The following FOXQ1 variants were observed in gnomAD, a reference collection of about 807,000 sequenced individuals.
The protein encoded by FOXQ1 is forkhead box protein Q1.
FOXQ1 carries 1 observed loss-of-function variant against 0.6 expected under a neutral mutation model. That is an observed-to-expected ratio of 1.73 (90% CI 0.61 to 8.20). The LOEUF (loss-of-function observed/expected upper bound fraction) is 8.20, where lower values mean the gene tolerates loss of function less well. Ranked by LOEUF, FOXQ1 falls within the 30% of genes most tolerant of loss-of-function variation. The pLI, the probability that FOXQ1 is intolerant of heterozygous loss-of-function variation, is 0.13. For synonymous variants in FOXQ1, 377 were observed against 294.4 expected (o/e 1.28, Z -2.87); for missense variants, 734 against 595.6 (o/e 1.23, Z -2.42).
At position 1,313,019 on chromosome 6, in the gene FOXQ1, C is replaced by T. The variant is rs370291379; in HGVS notation, c.315C>T (p.Ser105=). 3 of 1,437,056 alleles carry T rather than the reference C, an allele frequency of 2.1e-6. No homozygotes were observed. The highest frequency in any genetic ancestry group is 1.6e-5 in the South Asian group (1 of 63,242). The allele number at this position is 1,437,056 out of a possible 1,614,324, so 89.0% of individuals were successfully genotyped here. A position where few individuals can be genotyped will look rare whatever the true frequency, so the allele number is the denominator to read the frequency against. ...AAGPGAGGAG[S]GEGARSKPYT... ...GGCCAGGCGCGGGCGGCGCGGGGAG[C>T]GGCGAGGGTGCACGCAGCAAGCCAT... The change falls in exon 1 of 1, where the codon AGC becomes AGT. Residue 105 remains serine, a synonymous_variant. Coordinates refer to ENST00000296839, the MANE Select transcript of FOXQ1 (RefSeq NM_033260.4). The surrounding 1 kb of genome is among the most constrained non-coding windows in gnomAD (Gnocchi z 5.2).
At position 1,313,540 on chromosome 6, in the gene FOXQ1, A is replaced by C. The variant is rs1381520633; in HGVS notation, c.836A>C (p.Lys279Thr). 3.2e-6 allele frequency: 4 copies of C among 1,268,308 alleles called. No homozygotes were observed. The African/African-American group carries it at 6.4e-5, about 20-fold the overall frequency. 78.6% of individuals were successfully genotyped at this position (1,268,308 alleles called of 1,614,324 possible). Residue 279 changes from lysine to threonine, a missense_variant, in exon 1 of 1, where the codon AAG becomes ACG. Physicochemically the swap from Lys to Thr is moderately conservative, Grantham distance 78. Transcript: ENST00000296839. The surrounding 1 kb of genome is among the most constrained non-coding windows in gnomAD (Gnocchi z 5.2). The part of the protein sequence containing the change: ...SSFAIDSILR[K>T]PFRSRRLRDT... ...TTCGCCATCGACAGCATCCTGCGCA[A>C]GCCCTTCCGCAGCCGCCGCCTCAGG... is the stretch of plus-strand genomic sequence containing the variant.
Position 1,312,961 on chromosome 6 carries a change from T to C in FOXQ1, c.257T>C (p.Val86Ala). 3.1e-6 allele frequency: 4 copies of C among 1,278,292 alleles called. No individual in the cohort carries two copies. Among genetic ancestry groups the C allele is most frequent in the African/African-American group, 1.6e-5 (1 of 63,088 alleles). 79.2% of individuals were successfully genotyped at this position (1,278,292 alleles called of 1,614,324 possible). ...ATCCCGGCAGCAGCTGCTGCAGCGG[T>C]GGTGGCGGAGGGCGCGGAGGCCGGG... is the stretch of plus-strand genomic sequence containing the variant. ...EAIPAAAAAA[V>A]VAEGAEAGAA... is the part of the protein sequence containing the mutation. The change falls in exon 1 of 1, where the codon GTG (valine) becomes GCG (alanine). Residue 86 changes from valine to alanine, a missense_variant. Transcript: ENST00000296839.
At position 1,313,331 on chromosome 6, in the gene FOXQ1, C is replaced by T. The variant is rs767931927; in HGVS notation, c.627C>T (p.Phe209=). 1.9e-6 allele frequency: 3 copies of T among 1,565,056 alleles called. No individual in the cohort carries two copies. The highest frequency in any genetic ancestry group is 1.8e-5 in the Admixed American group (1 of 55,072). ...NSEYTFADGV[F]RRRRKRLSHR... is the part of the protein sequence containing the mutation. ...AGTACACCTTCGCCGACGGGGTCTTCCGCCGCCGCCGCAAGCGCCTCAGCC... is the reference window on the plus strand; with the variant it reads ...AGTACACCTTCGCCGACGGGGTCTTTCGCCGCCGCCGCAAGCGCCTCAGCC... The change falls in exon 1 of 1, where the codon TTC becomes TTT. Residue 209 remains phenylalanine (F), a synonymous_variant. Coordinates refer to ENST00000296839, the MANE Select transcript of FOXQ1 (RefSeq NM_033260.4). This position sits in a 1 kb window ranked among gnomAD's most constrained non-coding sequence, Gnocchi z 5.2.
At position 1,313,579 on chromosome 6, in the gene FOXQ1, G is replaced by T. The variant is rs1170004272; in HGVS notation, c.875G>T (p.Gly292Val). The change falls in exon 1 of 1, where the codon GGG becomes GTG. Residue 292 changes from glycine (G) to valine (V), a missense_variant. Gly to Val is a moderately radical substitution (Grantham distance 109). Transcript: ENST00000296839. This position sits in a 1 kb window ranked among gnomAD's most constrained non-coding sequence, Gnocchi z 5.2. ...RSRRLRDTAP[G>V]TTLQWGAAPC... The stretch of plus-strand genomic sequence containing the variant: ...CGCCGCCTCAGGGACACGGCCCCCG[G>T]GACGACGCTTCAGTGGGGCGCCGCG... 8.3e-7 allele frequency: 1 copy of T among 1,205,442 alleles called. No homozygotes were observed. Among genetic ancestry groups the T allele is most frequent in the Admixed American group, 3.6e-5 (1 of 28,144 alleles). 74.7% of individuals were successfully genotyped at this position (1,205,442 alleles called of 1,614,324 possible). A position where few individuals can be genotyped will look rare whatever the true frequency, so the allele number is the denominator to read the frequency against.
chr6:1,314,237 T>C lies in FOXQ1; in HGVS notation c.*321T>C, dbSNP rs1461390698. On this transcript the variant is annotated 3_prime_UTR_variant, in exon 1 of 1. Coordinates refer to ENST00000296839, the MANE Select transcript of FOXQ1 (RefSeq NM_033260.4). Reference sequence around the variant, plus strand: ...CTTCGTCTTATTTCTACTGTTTTTGTCGCAACTTCCATTGATTTATGTCCC... The same window carrying C: ...CTTCGTCTTATTTCTACTGTTTTTGCCGCAACTTCCATTGATTTATGTCCC... The C allele has an allele frequency of 5.2e-6, 1 of 193,244 alleles. No individual in the cohort carries two copies. Among genetic ancestry groups the C allele is most frequent in the Non-Finnish European group, 1.2e-5 (1 of 86,234 alleles). The allele number at this position is 193,244 out of a possible 1,614,324, so 12.0% of individuals were successfully genotyped here.
chr6:1,313,499 C>A lies in FOXQ1; in HGVS notation c.795C>A (p.Gly265=). The A allele has an allele frequency of 8.3e-7, 1 of 1,209,736 alleles. No individual in the cohort carries two copies. Among genetic ancestry groups the A allele is most frequent in the Admixed American group, 2.7e-5 (1 of 36,708 alleles). The allele number at this position is 1,209,736 out of a possible 1,614,324, so 74.9% of individuals were successfully genotyped here. A position where few individuals can be genotyped will look rare whatever the true frequency, so the allele number is the denominator to read the frequency against. ...AGGAGGAGCGCGCCAGCCCCGCGGGCAAGTTCTCCAGCTCCTTCGCCATCG... is the reference window on the plus strand; with the variant it reads ...AGGAGGAGCGCGCCAGCCCCGCGGGAAAGTTCTCCAGCTCCTTCGCCATCG... The part of the protein sequence containing the change: ...ARQEERASPA[G]KFSSSFAIDS... The change falls in exon 1 of 1, where the codon GGC becomes GGA. Residue 265 remains glycine, a synonymous_variant. Transcript: ENST00000296839. The surrounding 1 kb of genome is among the most constrained non-coding windows in gnomAD (Gnocchi z 5.2).
chr6:1,313,855 C>T lies in FOXQ1; in HGVS notation c.1151C>T (p.Ala384Val). 7.6e-7 allele frequency: 1 copy of T among 1,308,520 alleles called. No homozygotes were observed. The highest frequency in any genetic ancestry group is 9.7e-7 in the Non-Finnish European group (1 of 1,034,348). The allele number at this position is 1,308,520 out of a possible 1,614,324, so 81.1% of individuals were successfully genotyped here. ...CTGCGGCTGCCCGCAGCCCTGCAGG[C>T]GGCCTCAGTCCGCCGCCCTGGCCCG... ...CPLRLPAALQ[A>V]ASVRRPGPHL... Residue 384 changes from alanine to valine, a missense_variant, in exon 1 of 1, where the codon GCG becomes GTG. Ala to Val is a moderately conservative substitution (Grantham distance 64). Coordinates refer to ENST00000296839, the MANE Select transcript of FOXQ1 (RefSeq NM_033260.4). The surrounding 1 kb of genome is among the most constrained non-coding windows in gnomAD (Gnocchi z 5.2).
chr6:1,312,727 C>T lies in FOXQ1; in HGVS notation c.23C>T (p.Pro8Leu), dbSNP rs1318725152. 4 of 1,356,368 alleles carry T rather than the reference C, an allele frequency of 2.9e-6. No individual in the cohort carries two copies. The highest frequency in any genetic ancestry group is 3.6e-5 in the Admixed American group (1 of 28,042). 84.0% of individuals were successfully genotyped at this position (1,356,368 alleles called of 1,614,324 possible). Residue 8 changes from proline (P) to leucine (L), a missense_variant, in exon 1 of 1, where the codon CCT becomes CTT. Physicochemically the swap from Pro to Leu is moderately conservative, Grantham distance 98 (BLOSUM62 -3). Transcript: ENST00000296839. ...GGCATGAAGTTGGAGGTGTTCGTCC[C>T]TCGCGCGGCCCACGGGGACAAGCAG... Reference protein sequence around the residue: MKLEVFVPRAAHGDKQGS... With the variant: MKLEVFVLRAAHGDKQGS...
rs866270229 is a variant in FOXQ1, at chr6:1,312,134, C to A, written c.-571C>A. Among the ~76,000 whole-genome samples, 2 of 152,200 alleles carry A rather than the reference C, an allele frequency of 1.3e-5. No individual in the cohort carries two copies. Among genetic ancestry groups the A allele is most frequent in the African/African-American group, 4.8e-5 (2 of 41,474 alleles). Reference sequence around the variant, plus strand: ...GCGGCAGGCCAGCGGGGAGATGCTGCCCCGGAGGCTGGGAGCGGGAAGGCG... The same window carrying A: ...GCGGCAGGCCAGCGGGGAGATGCTGACCCGGAGGCTGGGAGCGGGAAGGCG... On this transcript the variant is annotated 5_prime_UTR_variant, in exon 1 of 1. Coordinates refer to ENST00000296839, the MANE Select transcript of FOXQ1 (RefSeq NM_033260.4).
chr6:1,313,468 C>T lies in FOXQ1; in HGVS notation c.764C>T (p.Ala255Val). The T allele has an allele frequency of 1.8e-6, 2 of 1,093,950 alleles. No individual in the cohort carries two copies. Among genetic ancestry groups the T allele is most frequent in the Non-Finnish European group, 2.2e-6 (2 of 896,056 alleles). The allele number at this position is 1,093,950 out of a possible 1,614,324, so 67.8% of individuals were successfully genotyped here. The change falls in exon 1 of 1, where the codon GCC becomes GTC. Residue 255 changes from alanine (A) to valine (V), a missense_variant. Physicochemically the swap from Ala to Val is moderately conservative, Grantham distance 64 (BLOSUM62 0). Transcript: ENST00000296839. The surrounding 1 kb of genome is among the most constrained non-coding windows in gnomAD (Gnocchi z 5.2). ...GCCTCGCCCCGCATGCGCTCGCCCG[C>T]CCGCCAGGAGGAGCGCGCCAGCCCC... ...APASPRMRSP[A>V]RQEERASPAG...
In FOXQ1 at chr6:1,313,554, C is replaced by A; in HGVS notation, c.850C>A (p.Arg284Ser). 7.9e-7 allele frequency: 1 copy of A among 1,264,244 alleles called. No individual in the cohort carries two copies. Among genetic ancestry groups the A allele is most frequent in the Non-Finnish European group, 1.0e-6 (1 of 985,864 alleles). 78.3% of individuals were successfully genotyped at this position (1,264,244 alleles called of 1,614,324 possible). The part of the protein sequence containing the change: ...DSILRKPFRS[R>S]RLRDTAPGTT... ...CATCCTGCGCAAGCCCTTCCGCAGC[C>A]GCCGCCTCAGGGACACGGCCCCCGG... The change falls in exon 1 of 1, where the codon CGC becomes AGC. Residue 284 changes from arginine to serine, a missense_variant. By Grantham distance (110) the Arg-to-Ser change is moderately radical (BLOSUM62 -1). Coordinates refer to ENST00000296839, the MANE Select transcript of FOXQ1 (RefSeq NM_033260.4). The surrounding 1 kb of genome is among the most constrained non-coding windows in gnomAD (Gnocchi z 5.2).
rs984820424 is a variant in FOXQ1 at position 1,312,486 on chromosome 6, G to T, written c.-219G>T. On this transcript the variant is annotated 5_prime_UTR_variant, in exon 1 of 1. Coordinates refer to ENST00000296839, the MANE Select transcript of FOXQ1 (RefSeq NM_033260.4). ...ACACCCACCCAACTCCTCCCTCTCC[G>T]CCCCATAGTCCACCCAACACTTGCA... 4.7e-6 allele frequency: 3 copies of T among 645,152 alleles called. No individual in the cohort carries two copies. Among genetic ancestry groups the T allele is most frequent in the African/African-American group, 3.8e-5 (2 of 52,982 alleles). The allele number at this position is 645,152 out of a possible 1,614,324, so 40.0% of individuals were successfully genotyped here. A position where few individuals can be genotyped will look rare whatever the true frequency, so the allele number is the denominator to read the frequency against.
chr6:1,313,729 C>T lies in FOXQ1; in HGVS notation c.1025C>T (p.Pro342Leu), dbSNP rs1486115503. 1 of 1,151,006 alleles carries T rather than the reference C, an allele frequency of 8.7e-7. No homozygotes were observed. The highest frequency in any genetic ancestry group is 1.1e-6 in the Non-Finnish European group (1 of 938,368). The allele number at this position is 1,151,006 out of a possible 1,614,324, so 71.3% of individuals were successfully genotyped here. A position where few individuals can be genotyped will look rare whatever the true frequency, so the allele number is the denominator to read the frequency against. Residue 342 changes from proline to leucine, a missense_variant, in exon 1 of 1, where the codon CCA becomes CTA. Transcript: ENST00000296839. This position sits in a 1 kb window ranked among gnomAD's most constrained non-coding sequence, Gnocchi z 5.2. Reference sequence around the variant, plus strand: ...CTGGGCGCGCGCGAGGCCGAGGTGCCACCGACCGCGCCGCCCCTCCTGCTT... The same window carrying T: ...CTGGGCGCGCGCGAGGCCGAGGTGCTACCGACCGCGCCGCCCCTCCTGCTT... ...ARLGAREAEV[P>L]PTAPPLLLAP...
At position 1,313,398 on chromosome 6, in the gene FOXQ1, GC is replaced by G; in HGVS notation, c.698del (p.Pro233ArgfsTer170). 1.8e-6 allele frequency: 2 copies of G among 1,138,904 alleles called. No homozygotes were observed. The highest frequency in any genetic ancestry group is 1.1e-6 in the Non-Finnish European group (1 of 923,906). 70.5% of individuals were successfully genotyped at this position (1,138,904 alleles called of 1,614,324 possible). A position where few individuals can be genotyped will look rare whatever the true frequency, so the allele number is the denominator to read the frequency against. Reference protein sequence around the residue: ...VPAPGLRPEEAPGLPAAPPPA... With the variant: ...VPAPGLRPEEXPGLPAAPPPA... ...CGCGCCCGGGCTGCGGCCCGAGGAG[GC>G]CCCGGGCCTCCCCGCCGCCCCGCCG... On this transcript the variant is annotated frameshift_variant, in exon 1 of 1. Coordinates refer to ENST00000296839, the MANE Select transcript of FOXQ1 (RefSeq NM_033260.4). LOFTEE classifies it low-confidence loss of function (END_TRUNC). The surrounding 1 kb of genome is among the most constrained non-coding windows in gnomAD (Gnocchi z 5.2).
At position 1,312,712 on chromosome 6, in the gene FOXQ1, T is replaced by G; in HGVS notation, c.8T>G (p.Leu3Trp). 7.3e-7 allele frequency: 1 copy of G among 1,361,840 alleles called. No individual in the cohort carries two copies. Among genetic ancestry groups the G allele is most frequent in the Non-Finnish European group, 9.4e-7 (1 of 1,060,068 alleles). The allele number at this position is 1,361,840 out of a possible 1,614,324, so 84.4% of individuals were successfully genotyped here. A position where few individuals can be genotyped will look rare whatever the true frequency, so the allele number is the denominator to read the frequency against. MKLEVFVPRAAHG... is the reference protein window; with the variant it reads MKWEVFVPRAAHG... Reference sequence around the variant, plus strand: ...GGGACTGGGTGCGCGGGCATGAAGTTGGAGGTGTTCGTCCCTCGCGCGGCC... The same window carrying G: ...GGGACTGGGTGCGCGGGCATGAAGTGGGAGGTGTTCGTCCCTCGCGCGGCC... The change falls in exon 1 of 1, where the codon TTG becomes TGG. Residue 3 changes from leucine to tryptophan, a missense_variant. Leu to Trp is a moderately conservative substitution (Grantham distance 61). Coordinates refer to ENST00000296839, the MANE Select transcript of FOXQ1 (RefSeq NM_033260.4).
At position 1,313,828 on chromosome 6, in the gene FOXQ1, C is replaced by G; in HGVS notation, c.1124C>G (p.Pro375Arg). The part of the protein sequence containing the change: ...PAAGGAHLYC[P>R]LRLPAALQAA... ...GCCGGCGGCGCGCACCTGTACTGCC[C>G]CCTGCGGCTGCCCGCAGCCCTGCAG... is the stretch of plus-strand genomic sequence containing the variant. The change falls in exon 1 of 1, where the codon CCC becomes CGC. Residue 375 changes from proline (P) to arginine (R), a missense_variant. Transcript: ENST00000296839. The surrounding 1 kb of genome is among the most constrained non-coding windows in gnomAD (Gnocchi z 5.2). 7.7e-7 allele frequency: 1 copy of G among 1,296,322 alleles called. No individual in the cohort carries two copies. The highest frequency in any genetic ancestry group is 9.7e-7 in the Non-Finnish European group (1 of 1,027,908). The allele number at this position is 1,296,322 out of a possible 1,614,324, so 80.3% of individuals were successfully genotyped here. A position where few individuals can be genotyped will look rare whatever the true frequency, so the allele number is the denominator to read the frequency against.
At position 1,312,432 on chromosome 6, in the gene FOXQ1, C is replaced by T. The variant is rs1757561481; in HGVS notation, c.-273C>T. On this transcript the variant is annotated 5_prime_UTR_variant, in exon 1 of 1. Transcript: ENST00000296839. ...AACCGCGGCCCCTGCACACACTCAC[C>T]CCAAAGTCTCAACGTCGAACCGAAG... The T allele has an allele frequency of 2.7e-6, 1 of 372,612 alleles. No homozygotes were observed. Among genetic ancestry groups the T allele is most frequent in the Non-Finnish European group, 4.6e-6 (1 of 218,392 alleles). The allele number at this position is 372,612 out of a possible 1,614,324, so 23.1% of individuals were successfully genotyped here. A position where few individuals can be genotyped will look rare whatever the true frequency, so the allele number is the denominator to read the frequency against.
Position 1,313,203 on chromosome 6 carries a change from G to T in FOXQ1, c.499G>T (p.Val167Leu). 6.2e-7 allele frequency: 1 copy of T among 1,609,780 alleles called. No homozygotes were observed. Among genetic ancestry groups the T allele is most frequent in the East Asian group, 2.2e-5 (1 of 44,524 alleles). The stretch of plus-strand genomic sequence containing the variant: ...CAGCTACACGGGCTGGCGCAACTCC[G>T]TGCGCCACAACCTTTCGCTCAACGA... Reference protein sequence around the residue: ...RGSYTGWRNSVRHNLSLNDCF... With the variant: ...RGSYTGWRNSLRHNLSLNDCF... The change falls in exon 1 of 1, where the codon GTG (valine) becomes TTG (leucine). Residue 167 changes from valine to leucine, a missense_variant. By Grantham distance (32) the Val-to-Leu change is conservative. Transcript: ENST00000296839. This position sits in a 1 kb window ranked among gnomAD's most constrained non-coding sequence, Gnocchi z 5.2.
rs1167809284 is a variant in FOXQ1, at chr6:1,313,599, G to A, written c.895G>A (p.Ala299Thr). The change falls in exon 1 of 1, where the codon GCC (alanine) becomes ACC (threonine). Residue 299 changes from alanine to threonine, a missense_variant. Ala to Thr is a moderately conservative substitution (Grantham distance 58, BLOSUM62 0). Transcript: ENST00000296839. The surrounding 1 kb of genome is among the most constrained non-coding windows in gnomAD (Gnocchi z 5.2). ...CCCCGGGACGACGCTTCAGTGGGGC[G>A]CCGCGCCCTGCCCGCCGCTGCCCGC... ...TAPGTTLQWG[A>T]APCPPLPAFP... 3.5e-6 allele frequency: 4 copies of A among 1,133,370 alleles called. No individual in the cohort carries two copies. Among genetic ancestry groups the A allele is most frequent in the East Asian group, 6.3e-5 (1 of 15,910 alleles). 70.2% of individuals were successfully genotyped at this position (1,133,370 alleles called of 1,614,324 possible). A position where few individuals can be genotyped will look rare whatever the true frequency, so the allele number is the denominator to read the frequency against.
Sources: gnomAD v4.1 joint callset for allele counts (sites outside exome capture counted in the v4.1 genomes callset) on GRCh38, gnomAD v4.1.1 for gene constraint, Gnocchi (gnomAD v3.1) non-coding constraint, MANE v1.5 for transcripts, NCBI Gene and HGNC (gene_info 2026-07-23, HGNC 2026-07-21) for gene names.